The following NUP188 variants were observed in gnomAD, a reference collection of about 807,000 sequenced individuals.
NUP188 encodes the protein nucleoporin NUP188.
A neutral mutation model predicts 223.0 loss-of-function variants in NUP188; 97 were observed. The observed-to-expected ratio is 0.43, with a 90% CI of 0.37 to 0.51. The LOEUF (loss-of-function observed/expected upper bound fraction) is 0.51, where lower values mean the gene tolerates loss of function less well. Ranked by LOEUF, NUP188 falls within the 20% of genes least tolerant of loss-of-function variation. NUP188 has a pLI of 0.00. For synonymous variants in NUP188, 869 were observed against 828.0 expected (o/e 1.05, Z -0.85); for missense variants, 1,947 against 2,175.6 (o/e 0.89, Z 2.09).
At chr9:128,985,999 A>G (rs1054896855) in intron 20 of NUP188, among the ~76,000 whole-genome samples, 1 of 152,128 alleles carries the variant, frequency 6.6e-6, no homozygotes, top group Non-Finnish European at 1.5e-5. Flanking sequence ...AGATCACGCC[A>G]TTGCACTCCA....
At chr9:128,978,002 T>C (rs1452465195) in intron 12 of NUP188, among the ~76,000 whole-genome samples, 2 of 152,150 alleles carry the variant, frequency 1.3e-5, no homozygotes, top group Non-Finnish European at 2.9e-5. Flanking sequence ...CATTTCTGGC[T>C]CAGAGAGATG....
chr9:128,980,995 T>C (rs1005333814), intron 14 of NUP188, among the ~76,000 whole-genome samples: 3 of 152,162 alleles, frequency 2.0e-5, no homozygotes, highest in African/African-American at 7.2e-5. Flanking sequence ...AATAAATAGC[T>C]AAGAGCCAGG....
chr9:128,966,160 T>TGTGTGC (rs1443916714), intron 8 of NUP188, among the ~76,000 whole-genome samples: 1 of 150,380 alleles, frequency 6.6e-6, no homozygotes, highest in Non-Finnish European at 1.5e-5. Flanking sequence ...TGTGTGTGTG[T>TGTGTGC]GTGTGTGTGC....
At position 128,959,073 on chromosome 9, in the gene NUP188, A is replaced by G. The variant is rs1841909323; in HGVS notation, c.524A>G (p.Gln175Arg). ...AAGGAACTAGTTTCAAAATACAGAC[A>G]GCAGTTCGAAGAGCTTTATAAAACT... Reference protein sequence around the residue: ...LEKELVSKYRQQFEELYKTEA... With the variant: ...LEKELVSKYRRQFEELYKTEA... Residue 175 changes from glutamine to arginine, a missense_variant, in exon 8 of 44, where the codon CAG becomes CGG. Gln to Arg is a conservative substitution (Grantham distance 43). Around this residue, in one of 3 missense-constraint regions of NUP188, gnomAD observed 817 missense variants for 865.8 expected, o/e 0.94. Coordinates refer to ENST00000372577, the MANE Select transcript of NUP188 (RefSeq NM_015354.3). 1 of 1,603,784 alleles carries G rather than the reference A, an allele frequency of 6.2e-7. No homozygotes were observed. Among genetic ancestry groups the G allele is most frequent in the Non-Finnish European group, 8.5e-7 (1 of 1,173,946 alleles).
rs181204391 is a variant in NUP188 at position 128,996,442 on chromosome 9, G to A, written c.3351+928G>A. On this transcript the variant is annotated intron_variant, in intron 30 of 43. Transcript: ENST00000372577. ...TGGGATTACAGGTGTGAGCCACCAC[G>A]CTTGGCCCAGATTAATCTTTTGACT... is the stretch of plus-strand genomic sequence containing the variant. Among the ~76,000 whole-genome samples, 32 of 152,234 alleles carry A rather than the reference G, an allele frequency of 2.1e-4. No individual in the cohort carries two copies. The East Asian group carries it at 2.1e-3, about 10-fold the overall frequency.
At chr9:128,948,194 C>G in intron 1 of NUP188, 1 of 161,026 alleles carries the variant, frequency 6.2e-6, no homozygotes, top group South Asian at 2.0e-4. Context: ...GCTGGCTCCC[C>G]GACCTCTCCC....
At position 128,983,326 on chromosome 9, in the gene NUP188, C is replaced by T. The variant is rs1280869375; in HGVS notation, c.1830C>T (p.Val610=). 1.2e-6 allele frequency: 2 copies of T among 1,614,042 alleles called. No individual in the cohort carries two copies. Among genetic ancestry groups the T allele is most frequent in the East Asian group, 2.2e-5 (1 of 44,900 alleles). ...LTTVISPPVD[V]IASCVNCLTV... is the part of the protein sequence containing the mutation. ...CAGTGATCTCCCCACCTGTGGATGTCATTGCTTCTTGTGTCAACTGCTTAA... is the reference window on the plus strand; with the variant it reads ...CAGTGATCTCCCCACCTGTGGATGTTATTGCTTCTTGTGTCAACTGCTTAA... Residue 610 remains valine, a synonymous_variant, in exon 18 of 44, where the codon GTC becomes GTT. Transcript: ENST00000372577.
In NUP188 at chr9:128,993,597, T is replaced by TA. The variant is rs773341494; in HGVS notation, c.2921dup (p.Tyr974Ter). 6.2e-7 allele frequency: 1 copy of TA among 1,614,200 alleles called. No homozygotes were observed. The highest frequency in any genetic ancestry group is 1.1e-5 in the South Asian group (1 of 91,084). ...GATTGATTCCCAACAGCAAGATCGA[T>TA]ACTGGTGCCCACCCCTGCTGCATCG... is the stretch of plus-strand genomic sequence containing the variant. ...ELIDSQQQDRYWCPPLLHRAA... is the reference protein window; with the variant it reads ...ELIDSQQQDR Residue 974 changes from tyrosine (Y) to a stop codon, truncating the protein, a stop_gained and frameshift_variant, in exon 27 of 44, where the codon TAC becomes TAAC. Transcript: ENST00000372577. LOFTEE classifies it high-confidence loss of function.
At chr9:129,006,195 C>T in intron 42 of NUP188, 44 bp from the exon 43 acceptor site, 1 of 1,614,110 alleles carries the variant, frequency 6.2e-7, no homozygotes, top group Non-Finnish European at 8.5e-7. Context: ...GCTTGGCCAG[C>T]CTGGCCCTCT....
Position 128,999,611 on chromosome 9 carries a change from G to T in NUP188, c.3662-13G>T. 6.2e-7 allele frequency: 1 copy of T among 1,613,158 alleles called. No individual in the cohort carries two copies. The highest frequency in any genetic ancestry group is 8.5e-7 in the Non-Finnish European group (1 of 1,179,324). On this transcript the variant is annotated splice_polypyrimidine_tract_variant and intron_variant, in intron 33 of 43. Coordinates refer to ENST00000372577, the MANE Select transcript of NUP188 (RefSeq NM_015354.3). The stretch of plus-strand genomic sequence containing the variant: ...GGTGAGCATGACAGTGTCCCTCCCT[G>T]TCTATTCTACAGTAAGTGACATCCC...
intron 34 of NUP188, among the ~76,000 whole-genome samples, chr9:129,000,494 A>G (rs773215699): frequency 6.6e-6 from 1 of 150,704 alleles, no homozygotes; most frequent in Non-Finnish European, 1.5e-5. Context: ...AACTTTTTGT[A>G]TTTTTCATAG....
intron 30 of NUP188, among the ~76,000 whole-genome samples, chr9:128,996,831 GA>G (rs1039703689): frequency 3.3e-5 from 5 of 150,036 alleles, no homozygotes; most frequent in South Asian, 2.1e-4. Context: ...CAAAAGAAAA[GA>G]AAAAAAAAGA....
At chr9:128,992,590 A>C (rs1213397251) in intron 25 of NUP188, among the ~76,000 whole-genome samples, 2 of 152,070 alleles carry the variant, frequency 1.3e-5, no homozygotes, top group East Asian at 3.8e-4. Context: ...GACTTCCTTC[A>C]TTCTTTTTTG....
chr9:128,955,271 T>A (rs1250962849), intron 3 of NUP188, among the ~76,000 whole-genome samples: 1 of 152,248 alleles, frequency 6.6e-6, no homozygotes, highest in Non-Finnish European at 1.5e-5. Flanking sequence ...TCTGTAAAGT[T>A]ACTTTTTTCT....
At chr9:128,964,187 C>A in intron 8 of NUP188, 1 of 287,948 alleles carries the variant, frequency 3.5e-6, no homozygotes. Flanking sequence ...TATTTACTTA[C>A]ACCTTCTTCA....
Position 129,001,540 on chromosome 9 carries a change from G to C in NUP188, c.3855G>C (p.Leu1285=), listed in dbSNP as rs1588293624. 1 of 1,613,642 alleles carries C rather than the reference G, an allele frequency of 6.2e-7. No homozygotes were observed. The highest frequency in any genetic ancestry group is 1.1e-5 in the South Asian group (1 of 91,068). Residue 1285 remains leucine, a synonymous_variant, in exon 35 of 44, where the codon CTG becomes CTC. Transcript: ENST00000372577. ...HRDQRDGVCV[L]GLHLAKELCE... Reference sequence around the variant, plus strand: ...TTGCCTCTGGGCAGGTGTGTGTCCTGGGCCTGCACCTGGCCAAGGAGCTGT... The same window carrying C: ...TTGCCTCTGGGCAGGTGTGTGTCCTCGGCCTGCACCTGGCCAAGGAGCTGT...
At chr9:129,001,812 C>T (rs1490795297) in intron 35 of NUP188, 72 bp from the exon 36 acceptor site, 1 of 1,594,322 alleles carries the variant, frequency 6.3e-7, no homozygotes, top group Non-Finnish European at 8.6e-7. Context: ...GTGATCTAGC[C>T]TGAGAGCCCT....
In NUP188 at chr9:129,003,154, G is replaced by A. The variant is rs17508146; in HGVS notation, c.4297-163G>A. ...CTGGCCAGCTAGTCTGCTGAAGGAC[G>A]GGAACGGTCTCGGGTCAGAATCCTG... On this transcript the variant is annotated intron_variant, in intron 37 of 43. Coordinates refer to ENST00000372577, the MANE Select transcript of NUP188 (RefSeq NM_015354.3). Among the ~76,000 whole-genome samples, 555 of 152,318 alleles carry A rather than the reference G, an allele frequency of 3.6e-3. 1 individual carries two copies. The highest frequency in any genetic ancestry group is 0.012 in the African/African-American group (488 of 41,570).
chr9:128,963,907 C>T (rs1181736435), intron 8 of NUP188, among the ~76,000 whole-genome samples: 1 of 151,822 alleles, frequency 6.6e-6, no homozygotes, highest in African/African-American at 2.4e-5. Flanking sequence ...ACCTCTGCCT[C>T]CTGAGTTCAA....
Sources: allele counts gnomAD v4.1 joint callset (sites outside exome capture counted in the v4.1 genomes callset), GRCh38; gene constraint gnomAD v4.1.1; regional missense constraint gnomAD v4.1.1; transcripts MANE v1.5; gene names NCBI Gene and HGNC (gene_info 2026-07-23, HGNC 2026-07-21).